CSNK2A2IP: variants seen among roughly 807,000 people sequenced by gnomAD.
CSNK2A2IP encodes the protein casein kinase 2 subunit alpha' interacting protein.
At chr3:88,389,970 TTG>T in the CSNK2A2IP span, among the ~76,000 whole-genome samples, 1 of 152,098 alleles carries the variant, frequency 6.6e-6, no homozygotes, top group Non-Finnish European at 1.5e-5. Flanking sequence ...CCAGAATAGC[TTG>T]TGTGAAACAA....
the CSNK2A2IP span, chr3:88,465,173 C>A: frequency 5.0e-6 from 2 of 398,272 alleles, no homozygotes; most frequent in African/African-American, 4.1e-5. Context: ...TTTTCAATCT[C>A]ATCTACACTT....
the CSNK2A2IP span, among the ~76,000 whole-genome samples, chr3:88,347,956 G>T: frequency 2.0e-5 from 3 of 151,758 alleles, no homozygotes; most frequent in South Asian, 6.3e-4. Flanking sequence ...ATCTCTCTAT[G>T]GGCTAAGAGA....
At chr3:88,411,499 A>G in the CSNK2A2IP span, among the ~76,000 whole-genome samples, 3 of 151,834 alleles carry the variant, frequency 2.0e-5, no homozygotes, top group African/African-American at 4.9e-5. Flanking sequence ...TGCATTAAAT[A>G]TATGGTAGTA....
chr3:88,415,589 A>G, the CSNK2A2IP span, among the ~76,000 whole-genome samples: 11 of 151,846 alleles, frequency 7.2e-5, no homozygotes, highest in African/African-American at 1.9e-4. Context: ...AAATGAAACT[A>G]TAAGAGTGGG....
the CSNK2A2IP span, among the ~76,000 whole-genome samples, chr3:88,442,463 G>A: frequency 0.014 from 2,074 of 152,224 alleles, 40 homozygotes; most frequent in African/African-American, 0.048. Context: ...AGACTGAATA[G>A]AGTTATGAGA....
At chr3:88,445,108 G>C in the CSNK2A2IP span, among the ~76,000 whole-genome samples, 2 of 151,800 alleles carry the variant, frequency 1.3e-5, no homozygotes, top group African/African-American at 4.8e-5. Flanking sequence ...TCATTAACGA[G>C]TAAGAAATGT....
At chr3:88,340,418 C>T in the CSNK2A2IP span, among the ~76,000 whole-genome samples, 8 of 152,018 alleles carry the variant, frequency 5.3e-5, no homozygotes, top group African/African-American at 1.7e-4. Context: ...CTGAATTATT[C>T]GTAATGTATA....
the CSNK2A2IP span, among the ~76,000 whole-genome samples, chr3:88,360,141 T>C: frequency 0.016 from 885 of 55,210 alleles, 7 homozygotes; most frequent in African/African-American, 0.03. Context: ...GTTTTTGTCT[T>C]TTTTTTTTTT....
At chr3:88,364,924 G>A in the CSNK2A2IP span, among the ~76,000 whole-genome samples, 1 of 152,134 alleles carries the variant, frequency 6.6e-6, no homozygotes, top group Admixed American at 6.6e-5. Flanking sequence ...CCTACACTCT[G>A]CTAACTGTTC....
the CSNK2A2IP span, among the ~76,000 whole-genome samples, chr3:88,461,447 T>G: frequency 2.9e-3 from 437 of 151,878 alleles, 2 homozygotes; most frequent in African/African-American, 9.8e-3. Flanking sequence ...CAGCTACTCG[T>G]GAGGCTGAAG....
At chr3:88,365,784 G>A in the CSNK2A2IP span, among the ~76,000 whole-genome samples, 1 of 152,138 alleles carries the variant, frequency 6.6e-6, no homozygotes, top group African/African-American at 2.4e-5. Context: ...ACGAGAATGA[G>A]TCTATATCAA....
At chr3:88,395,139 A>G in the CSNK2A2IP span, among the ~76,000 whole-genome samples, 1 of 152,240 alleles carries the variant, frequency 6.6e-6, no homozygotes, top group Admixed American at 6.5e-5. Context: ...ATACACATAC[A>G]TGTAAAATTT....
chr3:88,358,623 G>A, the CSNK2A2IP span, among the ~76,000 whole-genome samples: 1 of 151,950 alleles, frequency 6.6e-6, no homozygotes, highest in African/African-American at 2.4e-5. Context: ...TTATTCTATT[G>A]ATGTGATGCA....
chr3:88,403,261 T>C, the CSNK2A2IP span, among the ~76,000 whole-genome samples: 1 of 152,060 alleles, frequency 6.6e-6, no homozygotes, highest in Non-Finnish European at 1.5e-5. Context: ...GCAATATTTT[T>C]ATTAGGTTTT....
At chr3:88,456,657 C>CT in the CSNK2A2IP span, among the ~76,000 whole-genome samples, 8,499 of 140,016 alleles carry the variant, frequency 0.061, 418 homozygotes, top group East Asian at 0.21. Context: ...TCTTCCTTTC[C>CT]TTTTTTTTTT....
chr3:88,461,923 G>A, the CSNK2A2IP span, among the ~76,000 whole-genome samples: 2 of 151,740 alleles, frequency 1.3e-5, no homozygotes, highest in Non-Finnish European at 2.9e-5. Context: ...TTTTTTTGTA[G>A]AGACAGGATT....
At chr3:88,459,646 G>A in the CSNK2A2IP span, among the ~76,000 whole-genome samples, 2 of 151,968 alleles carry the variant, frequency 1.3e-5, no homozygotes, top group African/African-American at 4.8e-5. Context: ...ACTTGTAGTG[G>A]GACTAGCTCA....
At chr3:88,446,459 A>T in the CSNK2A2IP span, among the ~76,000 whole-genome samples, 1 of 152,168 alleles carries the variant, frequency 6.6e-6, no homozygotes, top group African/African-American at 2.4e-5. Flanking sequence ...CATTTTCTGT[A>T]ACTGTATAGG....
chr3:88,436,389 A>G, the CSNK2A2IP span, among the ~76,000 whole-genome samples: 1 of 152,112 alleles, frequency 6.6e-6, no homozygotes, highest in African/African-American at 2.4e-5. Flanking sequence ...AGAAAAGCTG[A>G]TAGGTATTGA....
Sources: allele counts gnomAD v4.1 joint callset (sites outside exome capture counted in the v4.1 genomes callset), GRCh38; gene constraint gnomAD v4.1.1; transcripts MANE v1.5; gene names NCBI Gene and HGNC (gene_info 2026-07-23, HGNC 2026-07-21).